The following PML variants were observed in gnomAD, a reference collection of about 807,000 sequenced individuals.
PML encodes the protein protein PML.
Under a neutral mutation model 65.2 loss-of-function variants are expected in PML, and 28 were observed. The observed-to-expected ratio is 0.43, with a 90% CI of 0.32 to 0.59. The LOEUF is 0.59. PML is among the 20% of genes least tolerant of loss of function. The pLI, the probability that PML is intolerant of heterozygous loss-of-function variation, is 0.08. For synonymous variants in PML, 500 were observed against 508.8 expected (o/e 0.98, Z 0.23); for missense variants, 1,021 against 1,203.4 (o/e 0.85, Z 2.24).
chr15:74,040,236 C>A (rs1427091671), intron 7 of PML, among the ~76,000 whole-genome samples: 1 of 152,222 alleles, frequency 6.6e-6, no homozygotes, highest in East Asian at 1.9e-4. Context: ...ATAACCCCAG[C>A]AGCACTTCTT....
In PML at chr15:74,046,521, T is replaced by C. The variant is rs913991339; in HGVS notation, c.*1513T>C. The C allele has an allele frequency of 4.3e-6, 1 of 232,766 alleles. No homozygotes were observed. The highest frequency in any genetic ancestry group is 8.5e-6 in the Non-Finnish European group (1 of 117,702). The allele number at this position is 232,766 out of a possible 1,614,324, so 14.4% of individuals were successfully genotyped here. ...ACTGAGGAATTCCGTAGGGTCTTGT[T>C]CCCACGACCGGAGTGCTGGCTCTCA... On this transcript the variant is annotated 3_prime_UTR_variant, in exon 9 of 9. Transcript: ENST00000268058.
At chr15:73,995,144 G>A (rs1321235596) in intron 1 of PML, among the ~76,000 whole-genome samples, 1 of 152,252 alleles carries the variant, frequency 6.6e-6, no homozygotes, top group East Asian at 1.9e-4. Flanking sequence ...AGGACACGGA[G>A]GAGTTGGGGC....
intron 8 of PML, 113 bp from the exon 9 acceptor site, chr15:74,044,108 A>AC: frequency 2.0e-6 from 2 of 991,730 alleles, no homozygotes; most frequent in Non-Finnish European, 3.2e-6. Flanking sequence ...CTGCCAGCAG[A>AC]CCCCAAGGTG....
chr15:74,006,137 G>T (rs1485734915), intron 2 of PML, among the ~76,000 whole-genome samples: 1 of 152,100 alleles, frequency 6.6e-6, no homozygotes, highest in African/African-American at 2.4e-5. Context: ...ACACCTGTAG[G>T]CCCAGCGCTT....
Position 74,035,658 on chromosome 15 carries a change from A to G in PML, c.1710+1128A>G, listed in dbSNP as rs377619576. 6.2e-7 allele frequency: 1 copy of G among 1,614,096 alleles called. No homozygotes were observed. ...GATACGAGGGGCTGTGCGATCCCGC[A>G]GCCGCTCCCTCCGGGGCTCCTCCCA... is the stretch of plus-strand genomic sequence containing the variant. On this transcript the variant is annotated intron_variant, in intron 7 of 8. Transcript: ENST00000268058. This position sits in a 1 kb window ranked among gnomAD's most constrained non-coding sequence, Gnocchi z 4.1.
intron 4 of PML, chr15:74,025,962 A>T (rs552623521): frequency 6.6e-6 from 1 of 152,434 alleles, no homozygotes; most frequent in African/African-American, 2.4e-5. Context: ...TAGGAGAGAG[A>T]GAGTGCTGTA....
intron 2 of PML, among the ~76,000 whole-genome samples, chr15:74,014,132 T>G (rs1447743217): frequency 1.3e-5 from 2 of 152,158 alleles, no homozygotes; most frequent in East Asian, 3.9e-4. Flanking sequence ...CTGGTGGCAC[T>G]GGGGAGAGCT....
chr15:73,999,203 T>C (rs1246103374), intron 2 of PML, among the ~76,000 whole-genome samples: 1 of 152,232 alleles, frequency 6.6e-6, no homozygotes, highest in Non-Finnish European at 1.5e-5. Flanking sequence ...TTTACGAATA[T>C]ATATGCAGGT....
At chr15:74,020,562 C>G (rs1446105501) in intron 2 of PML, among the ~76,000 whole-genome samples, 1 of 152,142 alleles carries the variant, frequency 6.6e-6, no homozygotes, top group East Asian at 1.9e-4. Flanking sequence ...AGAACATGGA[C>G]TCTAAGCTGG....
Position 73,998,122 on chromosome 15 carries a change from C to T in PML, c.248C>T (p.Ala83Val). The change falls in exon 2 of 9, where the codon GCG (alanine) becomes GTG (valine). Residue 83 changes from alanine to valine, a missense_variant. By Grantham distance (64) the Ala-to-Val change is moderately conservative. Coordinates refer to ENST00000268058, the MANE Select transcript of PML (RefSeq NM_033238.3). Reference sequence around the variant, plus strand: ...ACGCTGTGCTCAGGATGCCTGGAGGCGTCGGGCATGCAGTGCCCCATCTGC... The same window carrying T: ...ACGCTGTGCTCAGGATGCCTGGAGGTGTCGGGCATGCAGTGCCCCATCTGC... Reference protein sequence around the residue: ...LHTLCSGCLEASGMQCPICQA... With the variant: ...LHTLCSGCLEVSGMQCPICQA... 1 of 1,614,006 alleles carries T rather than the reference C, an allele frequency of 6.2e-7. No individual in the cohort carries two copies. Among genetic ancestry groups the T allele is most frequent in the Admixed American group, 1.7e-5 (1 of 60,028 alleles).
intron 2 of PML, among the ~76,000 whole-genome samples, chr15:74,006,408 A>G (rs2070056738): frequency 6.6e-6 from 1 of 151,282 alleles, no homozygotes; most frequent in East Asian, 2.0e-4. Context: ...AAAAAAAAAA[A>G]AAGAAAGAAA....
chr15:74,040,029 TGG>T (rs1224595876), intron 7 of PML, among the ~76,000 whole-genome samples: 1 of 152,142 alleles, frequency 6.6e-6, no homozygotes, highest in Non-Finnish European at 1.5e-5. Context: ...GGGAGTGAGA[TGG>T]ATGTAGCTCA....
rs576616618 is a variant in PML, at chr15:74,047,204, A to T, written c.*2196A>T. 2 of 230,924 alleles carry T rather than the reference A, an allele frequency of 8.7e-6. No individual in the cohort carries two copies. Among genetic ancestry groups the T allele is most frequent in the Admixed American group, 5.7e-5 (1 of 17,688 alleles). 14.3% of individuals were successfully genotyped at this position (230,924 alleles called of 1,614,324 possible). A position where few individuals can be genotyped will look rare whatever the true frequency, so the allele number is the denominator to read the frequency against. On this transcript the variant is annotated 3_prime_UTR_variant, in exon 9 of 9. Transcript: ENST00000268058. Reference sequence around the variant, plus strand: ...CAGGTGGTAAAACCCTTAAAAAGGGAGGTGTGGGAGGCCCAGGACTTTGGT... The same window carrying T: ...CAGGTGGTAAAACCCTTAAAAAGGGTGGTGTGGGAGGCCCAGGACTTTGGT...
intron 2 of PML, among the ~76,000 whole-genome samples, chr15:74,020,047 AAG>A (rs1290595130): frequency 6.6e-6 from 1 of 152,248 alleles, no homozygotes; most frequent in Non-Finnish European, 1.5e-5. Flanking sequence ...GATCCAAAGA[AAG>A]AGGATTGCTG....
At chr15:74,024,959 G>C in intron 4 of PML, 32 bp downstream of exon 4, 1 of 1,499,734 alleles carries the variant, frequency 6.7e-7, no homozygotes, top group Non-Finnish European at 9.3e-7. Context: ...AAGGGGTGGT[G>C]GTGGGGCCCA....
rs969290219 is a variant in PML at position 74,045,989 on chromosome 15, C to T, written c.*981C>T. The T allele has an allele frequency of 1.2e-4, 29 of 232,540 alleles. No individual in the cohort carries two copies. The highest frequency in any genetic ancestry group is 5.3e-4 in the African/African-American group (24 of 45,300). 14.4% of individuals were successfully genotyped at this position (232,540 alleles called of 1,614,324 possible). A position where few individuals can be genotyped will look rare whatever the true frequency, so the allele number is the denominator to read the frequency against. On this transcript the variant is annotated 3_prime_UTR_variant, in exon 9 of 9. Transcript: ENST00000268058. ...CCGCTGCTCTCATAGACTGCTCCTCCAAGGGGAAGCAGTGTGGAACAGCAG... is the reference window on the plus strand; with the variant it reads ...CCGCTGCTCTCATAGACTGCTCCTCTAAGGGGAAGCAGTGTGGAACAGCAG...
intron 2 of PML, among the ~76,000 whole-genome samples, chr15:74,019,159 G>C (rs2070727010): frequency 6.6e-6 from 1 of 152,148 alleles, no homozygotes; most frequent in South Asian, 2.1e-4. Flanking sequence ...GCAGGGGCCA[G>C]TCACCCTAGG....
At chr15:73,995,987 C>G (rs749570602) in intron 1 of PML, among the ~76,000 whole-genome samples, 17 of 152,154 alleles carry the variant, frequency 1.1e-4, no homozygotes, top group Non-Finnish European at 2.1e-4. Context: ...CTCCTGACCT[C>G]GTGATCCACC....
intron 2 of PML, among the ~76,000 whole-genome samples, chr15:74,014,075 GCCATCACCTCAGC>G (rs1195760730): frequency 1.3e-5 from 2 of 152,200 alleles, no homozygotes; most frequent in Non-Finnish European, 2.9e-5. Flanking sequence ...AGGCATACTG[GCCATCACCTCAGC>G]ATATGAGGAT....
Sources: gnomAD v4.1 joint callset for allele counts (sites outside exome capture counted in the v4.1 genomes callset) on GRCh38, gnomAD v4.1.1 for gene constraint, Gnocchi (gnomAD v3.1) non-coding constraint, MANE v1.5 for transcripts, NCBI Gene and HGNC (gene_info 2026-07-23, HGNC 2026-07-21) for gene names.